The following PML variants were observed in gnomAD, a reference collection of about 807,000 sequenced individuals.
The protein encoded by PML is protein PML.
In PML, 28 loss-of-function variants were observed where a neutral mutation model predicts 65.2. The observed-to-expected ratio is 0.43, with a 90% CI of 0.32 to 0.59. The LOEUF is 0.59. Among genes scored for constraint, PML ranks in the 20% least tolerant of loss-of-function variants. The pLI, the probability that PML is intolerant of heterozygous loss-of-function variation, is 0.08. For missense variants in PML, 1,021 were observed against 1,203.4 expected (o/e 0.85, Z 2.24); for synonymous variants, 500 against 508.8 (o/e 0.98, Z 0.23).
At position 74,033,329 on chromosome 15, in the gene PML, A is replaced by G; in HGVS notation, c.1572A>G (p.Gly524=). ...CAGTCTCACCACCCCACCTGGATGG[A>G]CCGCCTAGCCCCAGGAGCCCCGTCA... The part of the protein sequence containing the change: ...SKAVSPPHLD[G]PPSPRSPVIG... The change falls in exon 6 of 9, where the codon GGA becomes GGG. Residue 524 remains glycine, a synonymous_variant. Coordinates refer to ENST00000268058, the MANE Select transcript of PML (RefSeq NM_033238.3). 1 of 1,614,106 alleles carries G rather than the reference A, an allele frequency of 6.2e-7. No homozygotes were observed.
Position 74,038,441 on chromosome 15 carries a change from G to A in PML, c.1710+3911G>A, listed in dbSNP as rs567426622. Among the ~76,000 whole-genome samples the A allele has an allele frequency of 4.6e-5, 7 of 152,278 alleles. 1 individual carries two copies. In the South Asian group the frequency reaches 1.2e-3, roughly 27 times the overall value. ...TAGAGAGCAGGCCTAGAGACGTGGG[G>A]AGAGAGCCAGAGGACCGCTGCTTTT... is the stretch of plus-strand genomic sequence containing the variant. On this transcript the variant is annotated intron_variant, in intron 7 of 8. Transcript: ENST00000268058.
At chr15:74,019,572 C>A (rs1463581458) in intron 2 of PML, among the ~76,000 whole-genome samples, 1 of 152,124 alleles carries the variant, frequency 6.6e-6, no homozygotes, top group Non-Finnish European at 1.5e-5. Context: ...TTTGCATGTC[C>A]TTTTAATATT....
In PML at chr15:74,035,658, AGCC is replaced by A. The variant is rs2071522935; in HGVS notation, c.1710+1131_1710+1133del. On this transcript the variant is annotated intron_variant, in intron 7 of 8. Transcript: ENST00000268058. The surrounding 1 kb of genome is among the most constrained non-coding windows in gnomAD (Gnocchi z 4.1). ...GATACGAGGGGCTGTGCGATCCCGC[AGCC>A]GCTCCCTCCGGGGCTCCTCCCATTT... 2 of 1,614,096 alleles carry A rather than the reference AGCC, an allele frequency of 1.2e-6. No individual in the cohort carries two copies. Among genetic ancestry groups the A allele is most frequent in the Non-Finnish European group, 1.7e-6 (2 of 1,180,020 alleles).
rs1381104278 is a variant in PML at position 74,023,230 on chromosome 15, G to C, written c.1005G>C (p.Arg335Ser). The change falls in exon 3 of 9, where the codon AGG becomes AGC. Residue 335 changes from arginine to serine, a missense_variant. Transcript: ENST00000268058. ...GCACGGGCAGCGCGCTGGTGCAGAG[G>C]ATGAAGTGCTACGCCTCGGACCAGG... ...RIRTGSALVQRMKCYASDQEV... is the reference protein window; with the variant it reads ...RIRTGSALVQSMKCYASDQEV... 6.2e-7 allele frequency: 1 copy of C among 1,610,922 alleles called. No individual in the cohort carries two copies. The highest frequency in any genetic ancestry group is 8.5e-7 in the Non-Finnish European group (1 of 1,179,364).
intron 2 of PML, among the ~76,000 whole-genome samples, chr15:74,014,076 C>T (rs995181690): frequency 6.6e-6 from 1 of 152,184 alleles, no homozygotes; most frequent in Admixed American, 6.5e-5. Flanking sequence ...GGCATACTGG[C>T]CATCACCTCA....
Position 74,043,413 on chromosome 15 carries a change from G to T in PML, c.1861+274G>T. The T allele has an allele frequency of 2.1e-6, 3 of 1,414,444 alleles. No individual in the cohort carries two copies. The highest frequency in any genetic ancestry group is 2.8e-6 in the Non-Finnish European group (3 of 1,087,196). The allele number at this position is 1,414,444 out of a possible 1,614,324, so 87.6% of individuals were successfully genotyped here. A position where few individuals can be genotyped will look rare whatever the true frequency, so the allele number is the denominator to read the frequency against. On this transcript the variant is annotated intron_variant, in intron 8 of 8. Transcript: ENST00000268058. This position sits in a 1 kb window ranked among gnomAD's most constrained non-coding sequence, Gnocchi z 4.3. ...CTGACCAGTTCTTCTCTCAGACAGA[G>T]AGCCTGGGGAACACACTCCTAGACA...
rs191732678 is a variant in PML at position 74,012,771 on chromosome 15, T to C, written c.603-10057T>C. 2.0e-5 allele frequency among the ~76,000 whole-genome samples: 3 copies of C among 152,372 alleles called. No individual in the cohort carries two copies. In the East Asian group the frequency reaches 5.8e-4, roughly 29 times the overall value. On this transcript the variant is annotated intron_variant, in intron 2 of 8. Transcript: ENST00000268058. ...GGTCTTTTTACTTTAACATCACTTTTCCCAAGTTTTGTATTTTGATTGAGC... is the reference window on the plus strand; with the variant it reads ...GGTCTTTTTACTTTAACATCACTTTCCCCAAGTTTTGTATTTTGATTGAGC...
intron 1 of PML, among the ~76,000 whole-genome samples, chr15:73,995,337 A>G (rs2069429735): frequency 6.6e-6 from 1 of 152,246 alleles, no homozygotes; most frequent in Non-Finnish European, 1.5e-5. Flanking sequence ...AGCCAGGGGC[A>G]TGTCCCAGGC....
At chr15:74,028,735 A>G (rs1246416312) in intron 4 of PML, among the ~76,000 whole-genome samples, 5 of 152,238 alleles carry the variant, frequency 3.3e-5, no homozygotes, top group Non-Finnish European at 5.9e-5. Context: ...GGTACCTCCT[A>G]TAAGTGGAAT....
intron 4 of PML, 191 bp downstream of exon 4, chr15:74,025,118 C>T (rs1310830489): frequency 1.7e-6 from 1 of 593,818 alleles, no homozygotes; most frequent in East Asian, 2.9e-5. Context: ...CTGGCTCTGA[C>T]TCTAGGCTCC....
intron 7 of PML, chr15:74,036,033 A>G (rs2071546303): frequency 6.2e-7 from 1 of 1,613,968 alleles, no homozygotes; most frequent in Non-Finnish European, 8.5e-7. Context: ...ATGCTCTTAC[A>G]GGCCCTGCAC....
intron 2 of PML, among the ~76,000 whole-genome samples, chr15:74,010,533 A>AAG (rs916656814): frequency 3.4e-5 from 5 of 149,226 alleles, no homozygotes; most frequent in Non-Finnish European, 4.4e-5. Context: ...AAAAAAAAAA[A>AAG]AAAGAAATTA....
At chr15:73,999,869 G>A (rs1225078830) in intron 2 of PML, among the ~76,000 whole-genome samples, 13 of 133,402 alleles carry the variant, frequency 9.7e-5, no homozygotes, top group Non-Finnish European at 3.1e-5. Context: ...GAGTCTCGCT[G>A]TGTCACCCAG....
intron 2 of PML, among the ~76,000 whole-genome samples, chr15:74,005,014 A>G (rs1049462372): frequency 6.1e-5 from 9 of 148,232 alleles, no homozygotes; most frequent in Admixed American, 2.0e-4. Flanking sequence ...GCCTGGCCAT[A>G]CTTTTTAATA....
In PML at chr15:74,023,154, A is replaced by T. The variant is rs377549937; in HGVS notation, c.929A>T (p.Glu310Val). The T allele has an allele frequency of 3.7e-6, 6 of 1,605,190 alleles. No individual in the cohort carries two copies. The African/African-American group carries it at 5.3e-5, about 14-fold the overall frequency. ...GACGCGCGGTACCAGCGCGACTACGAGGAGATGGCCAGTCGGCTGGGCCGC... is the reference window on the plus strand; with the variant it reads ...GACGCGCGGTACCAGCGCGACTACGTGGAGATGGCCAGTCGGCTGGGCCGC... ...AVDARYQRDY[E>V]EMASRLGRLD... The change falls in exon 3 of 9, where the codon GAG becomes GTG. Residue 310 changes from glutamate to valine, a missense_variant. By Grantham distance (121) the Glu-to-Val change is moderately radical (BLOSUM62 -2). Transcript: ENST00000268058.
intron 1 of PML, among the ~76,000 whole-genome samples, chr15:73,996,969 A>G (rs1341115067): frequency 6.6e-6 from 1 of 152,268 alleles, no homozygotes; most frequent in East Asian, 1.9e-4. Flanking sequence ...AAGCAAGGAA[A>G]GAGTGAAGCA....
chr15:74,022,294 C>T (rs1040693281), intron 2 of PML, among the ~76,000 whole-genome samples: 1 of 152,164 alleles, frequency 6.6e-6, no homozygotes, highest in Admixed American at 6.5e-5. Context: ...AAACATCAGC[C>T]CCCAAAATTA....
chr15:74,034,336 A>G, intron 6 of PML, 142 bp from the exon 7 acceptor site: 1 of 988,772 alleles, frequency 1.0e-6, no homozygotes, highest in Non-Finnish European at 1.6e-6. Context: ...ATTGGCACAC[A>G]CAGTGGCTGT....
At chr15:74,005,203 C>T (rs2069980685) in intron 2 of PML, among the ~76,000 whole-genome samples, 1 of 151,798 alleles carries the variant, frequency 6.6e-6, no homozygotes, top group African/African-American at 2.4e-5. Flanking sequence ...CAGGTGCGCA[C>T]CACCATGCCC....
Sources: gnomAD v4.1 joint callset for allele counts (sites outside exome capture counted in the v4.1 genomes callset) on GRCh38, gnomAD v4.1.1 for gene constraint, Gnocchi (gnomAD v3.1) non-coding constraint, MANE v1.5 for transcripts, NCBI Gene and HGNC (gene_info 2026-07-23, HGNC 2026-07-21) for gene names.